LIMCH1: variants seen among roughly 807,000 people sequenced by gnomAD.
The protein encoded by LIMCH1 is LIM and calponin homology domains 1, also known as LIM and calponin homology domains-containing protein 1.
A neutral mutation model predicts 176.5 loss-of-function variants in LIMCH1; 113 were observed. That is an observed-to-expected ratio of 0.64 (90% confidence interval 0.55 to 0.75). LIMCH1 has a LOEUF of 0.75. Among genes scored for constraint, LIMCH1 ranks in the 30% least tolerant of loss-of-function variants. LIMCH1 has a pLI of 0.00. For missense variants in LIMCH1, 1,674 were observed against 1,814.9 expected (o/e 0.92, Z 1.41); for synonymous variants, 619 against 645.9 (o/e 0.96, Z 0.63).
At chr4:41,622,795 A>G (rs777219661) in intron 7 of LIMCH1, among the ~76,000 whole-genome samples, 1 of 152,164 alleles carries the variant, frequency 6.6e-6, no homozygotes, top group Admixed American at 6.6e-5. Context: ...ATTTTAACCT[A>G]TTTCATCCAA....
At chr4:41,398,608 A>T (rs900338579) in intron 1 of LIMCH1, among the ~76,000 whole-genome samples, 168 of 152,230 alleles carry the variant, frequency 1.1e-3, no homozygotes, top group Middle Eastern at 3.4e-3. Context: ...TTTGCATCTG[A>T]ACTGAAATCT....
chr4:41,637,434 C>T (rs1019450589), intron 13 of LIMCH1, among the ~76,000 whole-genome samples: 2 of 152,230 alleles, frequency 1.3e-5, no homozygotes, highest in African/African-American at 4.8e-5. Flanking sequence ...AAGCAATCTG[C>T]CTGCCTTGGC....
chr4:41,644,386 A>G (rs2093967102), intron 14 of LIMCH1, 114 bp from the exon 15 acceptor site: 1 of 1,279,348 alleles, frequency 7.8e-7, no homozygotes, highest in South Asian at 1.7e-5. Flanking sequence ...CAGCCCGGGA[A>G]GGGGGCAGTT....
At chr4:41,490,559 T>G (rs1416417735) in intron 1 of LIMCH1, among the ~76,000 whole-genome samples, 1 of 152,192 alleles carries the variant, frequency 6.6e-6, no homozygotes, top group East Asian at 1.9e-4. Flanking sequence ...AACCCTGAGT[T>G]GACACAGCAC....
Position 41,399,722 on chromosome 4 carries a change from G to A in LIMCH1, c.96+38786G>A, listed in dbSNP as rs1037845963. Among the ~76,000 whole-genome samples, 6 of 106,388 alleles carry A rather than the reference G, an allele frequency of 5.6e-5. No homozygotes were observed. In the East Asian group the frequency reaches 8.1e-4, roughly 14 times the overall value. The allele number at this position is 106,388 out of a possible 152,430, so 69.8% of individuals were successfully genotyped here. On this transcript the variant is annotated intron_variant, in intron 1 of 26. Coordinates refer to the LIMCH1 transcript ENST00000313860. The stretch of plus-strand genomic sequence containing the variant: ...TTTTGAGATGGAGTCTTGCTCTTTC[G>A]CCAGGCTGGAGCGCAGTAGCGGGAT...
At chr4:41,607,100 CT>C (rs1259451958) in intron 4 of LIMCH1, among the ~76,000 whole-genome samples, 1 of 152,164 alleles carries the variant, frequency 6.6e-6, no homozygotes, top group Admixed American at 6.5e-5. Context: ...CACCCGGCCC[CT>C]CCAGGCATTT....
chr4:41,381,611 C>T (rs974225075), intron 1 of LIMCH1, among the ~76,000 whole-genome samples: 6 of 152,136 alleles, frequency 3.9e-5, no homozygotes, highest in Non-Finnish European at 8.8e-5. Flanking sequence ...TTGCTTTGGC[C>T]AGTAGAATGC....
At chr4:41,693,710 C>G (rs1225061837) in intron 31 of LIMCH1, among the ~76,000 whole-genome samples, 1 of 151,976 alleles carries the variant, frequency 6.6e-6, no homozygotes, top group African/African-American at 2.4e-5. Context: ...CTCTTTTCTC[C>G]CAGATTTCAA....
chr4:41,562,315 G>A (rs2082176999), intron 1 of LIMCH1, among the ~76,000 whole-genome samples: 2 of 152,112 alleles, frequency 1.3e-5, no homozygotes. Flanking sequence ...CCCCTTTCTA[G>A]TGTGGTGAGG....
At chr4:41,512,967 A>T (rs2075109489) in intron 2 of LIMCH1, among the ~76,000 whole-genome samples, 1 of 152,226 alleles carries the variant, frequency 6.6e-6, no homozygotes, top group Non-Finnish European at 1.5e-5. Context: ...TGGCTTCAAG[A>T]TGTTTAAAAA....
rs374346791 is a variant in LIMCH1 at position 41,546,870 on chromosome 4, A to G, written c.-241+8520A>G. Among the ~76,000 whole-genome samples, 3 of 152,064 alleles carry G rather than the reference A, an allele frequency of 2.0e-5. No individual in the cohort carries two copies. In the East Asian group the frequency reaches 5.8e-4, roughly 29 times the overall value. ...AGAGAGAGAGACAAGCGAGAGAGAG[A>G]AAGAGAGAGAGAGGTTGAGACCGAG... On this transcript the variant is annotated intron_variant, in intron 1 of 31. Coordinates refer to ENST00000503057, the MANE Select transcript of LIMCH1 (RefSeq NM_001330672.2).
rs2095221444 is a variant in LIMCH1, at chr4:41,676,431, A to G, written c.3488A>G (p.Lys1163Arg). The change falls in exon 23 of 32, where the codon AAA (lysine) becomes AGA (arginine). Residue 1163 changes from lysine to arginine, a missense_variant. Physicochemically the swap from Lys to Arg is conservative, Grantham distance 26. Transcript: ENST00000503057. ...GAAGAGGAGCGCAGGCGACAGGAAAAATGGCAACAGGAACAGGAACGTTTG... is the reference window on the plus strand; with the variant it reads ...GAAGAGGAGCGCAGGCGACAGGAAAGATGGCAACAGGAACAGGAACGTTTG... ...DPEEERRRQE[K>R]WQQEQERLLQ... The G allele has an allele frequency of 6.2e-7, 1 of 1,614,026 alleles. No homozygotes were observed. The highest frequency in any genetic ancestry group is 8.5e-7 in the Non-Finnish European group (1 of 1,179,926).
chr4:41,604,803 C>T (rs1026223124), intron 3 of LIMCH1, among the ~76,000 whole-genome samples: 14 of 151,998 alleles, frequency 9.2e-5, no homozygotes, highest in South Asian at 4.1e-4. Flanking sequence ...CTGGAAGTTT[C>T]GAGGGATTCA....
upstream of LIMCH1, among the ~76,000 whole-genome samples, chr4:41,535,119 GCCACTGGACT>G (rs1196856145): frequency 7.0e-6 from 1 of 142,568 alleles, no homozygotes; most frequent in Non-Finnish European, 1.5e-5. Context: ...CTTTGAATGT[GCCACTGGACT>G]CCAGCCTGGG....
At chr4:41,642,194 A>G (rs1323726596) in intron 14 of LIMCH1, among the ~76,000 whole-genome samples, 4 of 152,204 alleles carry the variant, frequency 2.6e-5, no homozygotes, top group Admixed American at 2.6e-4. Flanking sequence ...TCTACAAACT[A>G]CTTAGTGGGA....
At chr4:41,452,526 T>C (rs1047880313) in intron 1 of LIMCH1, among the ~76,000 whole-genome samples, 9 of 152,366 alleles carry the variant, frequency 5.9e-5, no homozygotes, top group Non-Finnish European at 1.0e-4. Context: ...CTGGGCTTTG[T>C]TGTATTTTTT....
intron 1 of LIMCH1, among the ~76,000 whole-genome samples, chr4:41,578,129 T>C (rs1184037345): frequency 1.3e-5 from 2 of 152,190 alleles, no homozygotes; most frequent in African/African-American, 4.8e-5. Flanking sequence ...TTAAGATGAC[T>C]GGGTAATTTA....
intron 1 of LIMCH1, chr4:41,389,110 C>G (rs1396107931): frequency 1.3e-5 from 2 of 152,356 alleles, no homozygotes; most frequent in African/African-American, 4.8e-5. Context: ...CCAGCTGCCT[C>G]TCCCATACCA....
At chr4:41,670,976 G>A (rs1460607961) in intron 21 of LIMCH1, 36 of 981,740 alleles carry the variant, frequency 3.7e-5, no homozygotes, top group Non-Finnish European at 4.0e-5. Flanking sequence ...GGTAGGAGGA[G>A]AGGAATCACA....
Sources: gnomAD v4.1 joint callset for allele counts (sites outside exome capture counted in the v4.1 genomes callset) on GRCh38, gnomAD v4.1.1 for gene constraint, MANE v1.5 for transcripts, NCBI Gene and HGNC (gene_info 2026-07-23, HGNC 2026-07-21) for gene names.